Variants in MYO5A observed in about 807,000 individuals in gnomAD.
MYO5A encodes the protein myosin VA.
A neutral mutation model predicts 249.7 loss-of-function variants in MYO5A; 98 were observed. The ratio of observed to expected loss-of-function variants is 0.39; its 90% CI spans 0.33 to 0.46. The LOEUF (loss-of-function observed/expected upper bound fraction) is 0.46. Among genes scored for constraint, MYO5A ranks in the 20% least tolerant of loss-of-function variants. The probability of loss-of-function intolerance (pLI) is 0.98; values close to 1 mark genes in which losing one functional copy is unlikely to be tolerated. For synonymous variants in MYO5A, 778 were observed against 810.6 expected, an observed-to-expected ratio of 0.96 and a Z score of 0.68; for missense variants, 1,696 against 2,308.8, an observed-to-expected ratio of 0.73 and a Z score of 5.44.
At chr15:52,336,578 A>G (rs1404684319) in intron 33 of MYO5A, 22 bp from the exon 34 acceptor site, 2 of 1,548,320 alleles carry the variant, frequency 1.3e-6, no homozygotes, top group East Asian at 4.6e-5. Context: ...AAAGAGAAAT[A>G]TATTAGAAAA....
At chr15:52,474,123 T>G (rs1439627927) in intron 1 of MYO5A, among the ~76,000 whole-genome samples, 1 of 152,198 alleles carries the variant, frequency 6.6e-6, no homozygotes, top group Non-Finnish European at 1.5e-5. Flanking sequence ...GTAAGTTGGA[T>G]TCCTAGGTAT....
chr15:52,402,063 T>G (rs1455521964), intron 9 of MYO5A, among the ~76,000 whole-genome samples: 1 of 152,230 alleles, frequency 6.6e-6, no homozygotes, highest in Non-Finnish European at 1.5e-5. Context: ...GTAACTTTTC[T>G]GATGGGACTC....
chr15:52,428,765 C>T (rs1044043813), intron 2 of MYO5A, among the ~76,000 whole-genome samples, 196 bp from the exon 3 acceptor site: 4 of 152,174 alleles, frequency 2.6e-5, no homozygotes, highest in African/African-American at 9.7e-5. Flanking sequence ...ACATACCAAC[C>T]TGTATTAACA....
chr15:52,393,012 G>T (rs920117918), intron 11 of MYO5A, among the ~76,000 whole-genome samples: 1 of 152,164 alleles, frequency 6.6e-6, no homozygotes, highest in Non-Finnish European at 1.5e-5. Flanking sequence ...AAGCTAGTCC[G>T]GGTGGGAAGG....
At chr15:52,396,473 T>C (rs2042489664) in intron 10 of MYO5A, 76 bp from the exon 11 acceptor site, 1 of 833,228 alleles carries the variant, frequency 1.2e-6, no homozygotes, top group Non-Finnish European at 2.0e-6. Flanking sequence ...AATATACACA[T>C]TAGGAAGAAA....
chr15:52,325,053 A>G (rs2038530373), intron 36 of MYO5A, among the ~76,000 whole-genome samples: 1 of 152,238 alleles, frequency 6.6e-6, no homozygotes, highest in Admixed American at 6.5e-5. Flanking sequence ...CCTATAGCTT[A>G]AGTGTAGATT....
intron 10 of MYO5A, among the ~76,000 whole-genome samples, chr15:52,396,975 C>T (rs1053709464): frequency 2.1e-4 from 32 of 152,196 alleles, no homozygotes; most frequent in African/African-American, 7.5e-4. Flanking sequence ...AGTCTATGCA[C>T]TAGCTAAGTA....
At chr15:52,358,887 T>C (rs1385287289) in intron 25 of MYO5A, among the ~76,000 whole-genome samples, 2 of 152,226 alleles carry the variant, frequency 1.3e-5, no homozygotes, top group African/African-American at 4.8e-5. Context: ...TACTGTTATA[T>C]CCATGGGCCC....
At chr15:52,469,320 T>A (rs1348802384) in intron 1 of MYO5A, among the ~76,000 whole-genome samples, 1 of 152,198 alleles carries the variant, frequency 6.6e-6, no homozygotes, top group Non-Finnish European at 1.5e-5. Context: ...TAACACATAT[T>A]CTGTATATGT....
intron 9 of MYO5A, among the ~76,000 whole-genome samples, chr15:52,399,494 G>C (rs927208516): frequency 5.9e-5 from 9 of 152,038 alleles, no homozygotes; most frequent in Non-Finnish European, 1.3e-4. Flanking sequence ...TTTCCCTCTA[G>C]CACTGCTTTT....
At chr15:52,384,491 G>A (rs1318318300) in intron 14 of MYO5A, among the ~76,000 whole-genome samples, 169 bp from the exon 15 acceptor site, 1 of 152,050 alleles carries the variant, frequency 6.6e-6, no homozygotes, top group East Asian at 1.9e-4. Flanking sequence ...AGGAAGGTGA[G>A]GTAAGTGCTA....
At chr15:52,442,861 T>C (rs1351310956) in intron 1 of MYO5A, among the ~76,000 whole-genome samples, 1 of 151,944 alleles carries the variant, frequency 6.6e-6, no homozygotes, top group Non-Finnish European at 1.5e-5. Flanking sequence ...GTTCGAGCGA[T>C]TCTCTTCCCT....
chr15:52,527,173 A>C (rs1187812213), intron 1 of MYO5A, among the ~76,000 whole-genome samples: 2 of 152,218 alleles, frequency 1.3e-5, no homozygotes, highest in African/African-American at 4.8e-5. Context: ...GGGCTACACA[A>C]AGTAACCAAG....
intron 29 of MYO5A, among the ~76,000 whole-genome samples, chr15:52,347,877 A>G (rs544967477): frequency 6.6e-6 from 1 of 152,342 alleles, no homozygotes; most frequent in African/African-American, 2.4e-5. Flanking sequence ...TCTGAAAGGA[A>G]TAAAATCTTT....
chr15:52,416,250 T>C lies in MYO5A; in HGVS notation c.507A>G (p.Lys169=). Residue 169 remains lysine, a synonymous_variant, in exon 5 of 42, where the codon AAA becomes AAG. Coordinates refer to ENST00000399233, the MANE Select transcript of MYO5A (RefSeq NM_001382347.1). ...IIVSGESGAG[K]TVSAKYAMRY... The stretch of plus-strand genomic sequence containing the variant: ...GCATGGCATACTTAGCTGAGACTGT[T>C]TTTCCTGCCCCAGACTCTCCACTTA... The C allele has an allele frequency of 6.2e-7, 1 of 1,614,024 alleles. No homozygotes were observed. Among genetic ancestry groups the C allele is most frequent in the Non-Finnish European group, 8.5e-7 (1 of 1,179,948 alleles).
At chr15:52,364,228 C>A (rs993920578) in intron 24 of MYO5A, among the ~76,000 whole-genome samples, 1 of 151,318 alleles carries the variant, frequency 6.6e-6, no homozygotes, top group Non-Finnish European at 1.5e-5. Flanking sequence ...CACAGGGAGA[C>A]TCCATCTCAA....
chr15:52,470,997 T>C (rs2076453680), intron 1 of MYO5A, among the ~76,000 whole-genome samples: 1 of 136,368 alleles, frequency 7.3e-6, no homozygotes, highest in African/African-American at 2.8e-5. Context: ...CATTCCAGCC[T>C]GGGCGACAGA....
chr15:52,335,699 T>C (rs764201088), intron 34 of MYO5A, among the ~76,000 whole-genome samples: 6 of 152,156 alleles, frequency 3.9e-5, no homozygotes, highest in Middle Eastern at 3.2e-3. Context: ...TTTTTCATCA[T>C]CATCATATAG....
rs75498066 is a variant in MYO5A, at chr15:52,311,914, T to C, written c.*1782A>G. On this transcript the variant is annotated 3_prime_UTR_variant, in exon 42 of 42. Transcript: ENST00000399233. ...CTGATATGAAGCTGTTTGACTTCCATAAATATTGCACATATTTTAATAAGA... is the reference window on the plus strand; with the variant it reads ...CTGATATGAAGCTGTTTGACTTCCACAAATATTGCACATATTTTAATAAGA... 1.7e-5 allele frequency: 2 copies of C among 120,056 alleles called. No homozygotes were observed. Among genetic ancestry groups the C allele is most frequent in the African/African-American group, 6.3e-5 (2 of 31,766 alleles). The allele number at this position is 120,056 out of a possible 1,614,324, so 7.4% of individuals were successfully genotyped here.
Sources: gnomAD v4.1 joint callset for allele counts (sites outside exome capture counted in the v4.1 genomes callset) on GRCh38, gnomAD v4.1.1 for gene constraint, MANE v1.5 for transcripts, NCBI Gene and HGNC (gene_info 2026-07-23, HGNC 2026-07-21) for gene names.